LRRC69: variants seen among roughly 807,000 people sequenced by gnomAD.
LRRC69 encodes the protein leucine rich repeat containing 69.
Under a neutral mutation model 37.8 loss-of-function variants are expected in LRRC69, and 42 were observed. The observed-to-expected ratio is 1.11, with a 90% CI of 0.87 to 1.44. The LOEUF (loss-of-function observed/expected upper bound fraction) is 1.44, where lower values mean the gene tolerates loss of function less well. Ranked by LOEUF, LRRC69 falls within the 40% of genes most tolerant of loss-of-function variation. LRRC69 has a pLI of 0.00. For missense variants in LRRC69, 357 were observed against 401.9 expected (o/e 0.89, Z 0.96); for synonymous variants, 141 against 143.1 (o/e 0.99, Z 0.11).
intron 5 of LRRC69, among the ~76,000 whole-genome samples, chr8:91,146,697 T>C (rs942413028): frequency 5.9e-5 from 9 of 151,812 alleles, no homozygotes; most frequent in Non-Finnish European, 1.0e-4. Context: ...TGGGTAGATA[T>C]GGATTTTACA....
At chr8:91,144,900 T>C (rs1227059284) in intron 5 of LRRC69, among the ~76,000 whole-genome samples, 3 of 152,014 alleles carry the variant, frequency 2.0e-5, no homozygotes, top group Non-Finnish European at 1.5e-5. Context: ...TTTTGGATGA[T>C]TCTCATTTCC....
intron 7 of LRRC69, among the ~76,000 whole-genome samples, chr8:91,209,999 C>T (rs1024229458): frequency 1.3e-5 from 2 of 152,132 alleles, no homozygotes; most frequent in Non-Finnish European, 2.9e-5. Flanking sequence ...TTGAGGAGAT[C>T]ACAGACTATT....
Position 91,189,521 on chromosome 8 carries a change from G to A in LRRC69, c.652-1G>A. 1.3e-6 allele frequency: 2 copies of A among 1,546,432 alleles called. No homozygotes were observed. The highest frequency in any genetic ancestry group is 1.7e-6 in the Non-Finnish European group (2 of 1,143,284). The stretch of plus-strand genomic sequence containing the variant: ...ATAAGGTTTTTATTTTGTTTGAAAA[G>A]TTTCAGGATCTGAAGCTGAGGGAAT... On this transcript the variant is annotated splice_acceptor_variant, in intron 5 of 7. Coordinates refer to ENST00000448384, the Ensembl canonical transcript of LRRC69. LOFTEE classifies it high-confidence loss of function.
intron 7 of LRRC69, among the ~76,000 whole-genome samples, chr8:91,213,302 A>G (rs1392874096): frequency 6.6e-6 from 1 of 152,140 alleles, no homozygotes; most frequent in African/African-American, 2.4e-5. Flanking sequence ...GTGTCGTCTA[A>G]GCCAAGATGC....
chr8:91,144,588 T>G (rs769276414), intron 5 of LRRC69, among the ~76,000 whole-genome samples: 1 of 152,002 alleles, frequency 6.6e-6, no homozygotes, highest in African/African-American at 2.4e-5. Context: ...CTTAGACACT[T>G]CACTTAACTC....
At chr8:91,121,994 T>C (rs1223853166) in intron 1 of LRRC69, among the ~76,000 whole-genome samples, 1 of 152,084 alleles carries the variant, frequency 6.6e-6, no homozygotes, top group Non-Finnish European at 1.5e-5. Flanking sequence ...TATGATGAAA[T>C]CTAGTTACTA....
At chr8:91,123,516 C>T (rs1370174469) in intron 1 of LRRC69, among the ~76,000 whole-genome samples, 1 of 151,884 alleles carries the variant, frequency 6.6e-6, no homozygotes, top group Non-Finnish European at 1.5e-5. Context: ...AAATCATTGT[C>T]TTACATCCAT....
chr8:91,129,080 A>G (rs1813765053), intron 3 of LRRC69, among the ~76,000 whole-genome samples: 2 of 152,052 alleles, frequency 1.3e-5, no homozygotes, highest in African/African-American at 4.8e-5. Context: ...CATTTAAACT[A>G]CAGAATATCA....
exon 5 of LRRC69, chr8:91,135,708 C>T (rs963662886): frequency 3.4e-6 from 5 of 1,456,550 alleles, no homozygotes; most frequent in Non-Finnish European, 9.0e-7. Context: ...CTAGACATAG[C>T]TGGAAATATT....
chr8:91,138,444 T>G (rs374860997), intron 5 of LRRC69, among the ~76,000 whole-genome samples: 67 of 152,102 alleles, frequency 4.4e-4, no homozygotes, highest in East Asian at 5.8e-4. Flanking sequence ...TTTTACTGCC[T>G]TATAACTACT....
At chr8:91,115,395 AC>A (rs1813494070) in intron 1 of LRRC69, among the ~76,000 whole-genome samples, 1 of 152,050 alleles carries the variant, frequency 6.6e-6, no homozygotes, top group African/African-American at 2.4e-5. Flanking sequence ...GGTAGCTCAT[AC>A]ATGCATAGTC....
chr8:91,171,510 A>G (rs1206949360), intron 5 of LRRC69, among the ~76,000 whole-genome samples: 4 of 152,022 alleles, frequency 2.6e-5, no homozygotes, highest in Non-Finnish European at 5.9e-5. Flanking sequence ...CATGGGCCAG[A>G]TATGTGGGAG....
chr8:91,128,434 T>C (rs1813756237), intron 3 of LRRC69, among the ~76,000 whole-genome samples: 1 of 151,928 alleles, frequency 6.6e-6, no homozygotes, highest in Admixed American at 6.6e-5. Context: ...GATTGCAGAG[T>C]GTATAGGTCT....
chr8:91,207,427 A>G (rs556317738), intron 7 of LRRC69, among the ~76,000 whole-genome samples: 5 of 152,334 alleles, frequency 3.3e-5, no homozygotes, highest in African/African-American at 1.2e-4. Context: ...CAGACAAGAA[A>G]GAGAGAATGA....
At chr8:91,182,047 T>G (rs551827566) in intron 5 of LRRC69, among the ~76,000 whole-genome samples, 10 of 152,298 alleles carry the variant, frequency 6.6e-5, no homozygotes, top group African/African-American at 2.4e-4. Flanking sequence ...GGGGCCTATT[T>G]TTGGTCTATT....
chr8:91,110,619 A>T (rs1041946025), intron 1 of LRRC69, among the ~76,000 whole-genome samples: 1 of 152,076 alleles, frequency 6.6e-6, no homozygotes, highest in African/African-American at 2.4e-5. Context: ...AGCCTGGGTA[A>T]TAAGAGCAAA....
chr8:91,192,424 G>A (rs1385943558), intron 6 of LRRC69, among the ~76,000 whole-genome samples: 1 of 151,818 alleles, frequency 6.6e-6, no homozygotes, highest in East Asian at 1.9e-4. Flanking sequence ...TCGCCACACT[G>A]ACTTCCACAA....
chr8:91,124,417 G>A lies in LRRC69; in HGVS notation c.184-76G>A, dbSNP rs987069091. 5.8e-6 allele frequency: 7 copies of A among 1,202,126 alleles called. No homozygotes were observed. The African/African-American group carries it at 9.4e-5, about 16-fold the overall frequency. 74.5% of individuals were successfully genotyped at this position (1,202,126 alleles called of 1,614,324 possible). A position where few individuals can be genotyped will look rare whatever the true frequency, so the allele number is the denominator to read the frequency against. The stretch of plus-strand genomic sequence containing the variant: ...TCTTAGGTTACATAGATGTGAGCAA[G>A]GGAGCTTAAATTATTTCTTTTTTTC... On this transcript the variant is annotated intron_variant, in intron 1 of 7. Transcript: ENST00000448384.
At chr8:91,113,653 A>T (rs960482243) in intron 1 of LRRC69, among the ~76,000 whole-genome samples, 3 of 151,964 alleles carry the variant, frequency 2.0e-5, no homozygotes, top group South Asian at 2.1e-4. Flanking sequence ...TGGTCTGGAC[A>T]ATGATTTTTT....
Sources: allele counts gnomAD v4.1 joint callset (sites outside exome capture counted in the v4.1 genomes callset), GRCh38; gene constraint gnomAD v4.1.1; transcripts MANE v1.5; gene names NCBI Gene and HGNC (gene_info 2026-07-23, HGNC 2026-07-21).